Variants in TPRA1 observed in about 807,000 individuals in gnomAD.
TPRA1 encodes the protein transmembrane protein adipocyte associated 1.
TPRA1 carries 28 observed loss-of-function variants against 40.1 expected under a neutral mutation model. The observed-to-expected ratio is 0.70, with a 90% confidence interval of 0.52 to 0.96. TPRA1 has a LOEUF of 0.96. TPRA1 is among the 40% of genes least tolerant of loss of function. The pLI, the probability that TPRA1 is intolerant of heterozygous loss-of-function variation, is 0.00. For missense variants in TPRA1, 441 were observed against 482.6 expected, an observed-to-expected ratio of 0.91 and a Z score of 0.81; for synonymous variants, 219 against 209.7, an observed-to-expected ratio of 1.04 and a Z score of -0.38.
chr3:127,573,896 C>T (rs1308579472), intron 10 of TPRA1, 108 bp from the exon 11 acceptor site: 2 of 1,379,452 alleles, frequency 1.4e-6, no homozygotes, highest in Non-Finnish European at 1.9e-6. Context: ...GACCAACAGT[C>T]GCCTGACACC....
intron 1 of TPRA1, chr3:127,587,051 A>G (rs998424131): frequency 6.6e-6 from 1 of 152,220 alleles, no homozygotes; most frequent in African/African-American, 2.4e-5. Context: ...CAACCCAGGG[A>G]ATGCACCTGT....
At chr3:127,578,890 C>T (rs1188761888) in intron 3 of TPRA1, among the ~76,000 whole-genome samples, 1 of 152,110 alleles carries the variant, frequency 6.6e-6, no homozygotes, top group Non-Finnish European at 1.5e-5. Context: ...TCAGGCAGGC[C>T]CTGCAGACAG....
At chr3:127,596,014 C>T (rs1206037539) in intron 1 of TPRA1, among the ~76,000 whole-genome samples, 1 of 152,066 alleles carries the variant, frequency 6.6e-6, no homozygotes, top group Non-Finnish European at 1.5e-5. Context: ...GGCATCGTGT[C>T]CAGATCCCTG....
intron 10 of TPRA1, 48 bp downstream of exon 10, chr3:127,575,137 G>A: frequency 1.9e-6 from 3 of 1,588,118 alleles, no homozygotes; most frequent in Non-Finnish European, 2.6e-6. Context: ...GGAAGAAGGC[G>A]CAGTTCCGCC....
At chr3:127,593,111 G>T (rs1313433782), upstream of TPRA1, among the ~76,000 whole-genome samples, 2 of 152,174 alleles carry the variant, frequency 1.3e-5, no homozygotes, top group African/African-American at 2.4e-5. Flanking sequence ...GGATTTTGTT[G>T]TATTTGTGAA....
chr3:127,577,081 T>C lies in TPRA1; in HGVS notation c.259-5A>G, dbSNP rs902482111. 5.6e-6 allele frequency: 9 copies of C among 1,612,986 alleles called. No individual in the cohort carries two copies. Among genetic ancestry groups the C allele is most frequent in the South Asian group, 2.2e-5 (2 of 91,046 alleles). ...CACCAGCGCCACCACAAACACCTGGTGGGCAAGGGAGTGGTGTGGCAGTCA... is the reference window on the plus strand; with the variant it reads ...CACCAGCGCCACCACAAACACCTGGCGGGCAAGGGAGTGGTGTGGCAGTCA... On this transcript the variant is annotated splice_region_variant and splice_polypyrimidine_tract_variant and intron_variant, in intron 3 of 10. Coordinates refer to ENST00000355552, the MANE Select transcript of TPRA1 (RefSeq NM_001136053.4).
rs751733581 is a variant in TPRA1, at chr3:127,580,089, G to A, written c.58C>T (p.Leu20=). The change falls in exon 2 of 11, where the codon CTG becomes TTG. Residue 20 remains leucine, a synonymous_variant. Coordinates refer to ENST00000355552, the MANE Select transcript of TPRA1 (RefSeq NM_001136053.4). ...TGAGGCACACTGATGTTTGGTGCCA[G>A]GGGTGGGGGTAGCGCTGTGCTCCCA... ...ANGSTALPPP[L]APNISVPHRC... 6 of 1,613,756 alleles carry A rather than the reference G, an allele frequency of 3.7e-6. No homozygotes were observed. The highest frequency in any genetic ancestry group is 5.1e-6 in the Non-Finnish European group (6 of 1,180,024).
At chr3:127,575,352 C>G in intron 9 of TPRA1, 51 bp downstream of exon 9, 1 of 1,572,898 alleles carries the variant, frequency 6.4e-7, no homozygotes, top group South Asian at 1.1e-5. Flanking sequence ...GACACCCTGC[C>G]GCCCACTTCC....
chr3:127,575,307 G>A, intron 9 of TPRA1, 42 bp from the exon 10 acceptor site: 1 of 1,601,924 alleles, frequency 6.2e-7, no homozygotes, highest in Non-Finnish European at 8.5e-7. Flanking sequence ...CTAGCCCCAT[G>A]CTGACTCCAC....
At position 127,573,630 on chromosome 3, in the gene TPRA1, A is replaced by T; in HGVS notation, c.1013T>A (p.Phe338Tyr). 1.2e-6 allele frequency: 2 copies of T among 1,613,326 alleles called. No individual in the cohort carries two copies. Among genetic ancestry groups the T allele is most frequent in the Non-Finnish European group, 1.7e-6 (2 of 1,179,992 alleles). The change falls in exon 11 of 11, where the codon TTC (phenylalanine) becomes TAC (tyrosine). Residue 338 changes from phenylalanine (F) to tyrosine (Y), a missense_variant. Phe to Tyr is a conservative substitution (Grantham distance 22, BLOSUM62 3). Transcript: ENST00000355552. ...GTAGGCCACCCCGCCGGCAGAGTCG[A>T]ACTGCGTGCTCGAGTAGCTGGCAGC... ...ASAASYSSTQFDSAGGVAYLD... is the reference protein window; with the variant it reads ...ASAASYSSTQYDSAGGVAYLD...
rs989477463 is a variant in TPRA1, at chr3:127,575,682, C to T, written c.670+67G>A. The stretch of plus-strand genomic sequence containing the variant: ...TACAGCTCCAGCTCCCAGCTACCAG[C>T]TCTACAGTGGCCCGGTAGACTCCCT... On this transcript the variant is annotated intron_variant, in intron 8 of 10. Transcript: ENST00000355552. The T allele has an allele frequency of 1.7e-5, 26 of 1,572,902 alleles. No individual in the cohort carries two copies. The African/African-American group carries it at 3.2e-4, about 20-fold the overall frequency.
In TPRA1 at chr3:127,572,749, T is replaced by A. The variant is rs1040111625; in HGVS notation, c.*772A>T. Among the ~76,000 whole-genome samples, 7 of 152,212 alleles carry A rather than the reference T, an allele frequency of 4.6e-5. No homozygotes were observed. The highest frequency in any genetic ancestry group is 1.7e-4 in the African/African-American group (7 of 41,446). ...GGCAATAGTAAGTCCATTCTGCGTT[T>A]TAATGGAGCTGAGCAGAGAGAACCG... On this transcript the variant is annotated 3_prime_UTR_variant, in exon 11 of 11. Coordinates refer to ENST00000355552, the MANE Select transcript of TPRA1 (RefSeq NM_001136053.4).
chr3:127,576,901 C>T lies in TPRA1; in HGVS notation c.346-8G>A. 1 of 1,613,770 alleles carries T rather than the reference C, an allele frequency of 6.2e-7. No homozygotes were observed. Among genetic ancestry groups the T allele is most frequent in the Non-Finnish European group, 8.5e-7 (1 of 1,180,014 alleles). On this transcript the variant is annotated splice_region_variant and splice_polypyrimidine_tract_variant and intron_variant, in intron 4 of 10. Transcript: ENST00000355552. This position sits in a 1 kb window ranked among gnomAD's most constrained non-coding sequence, Gnocchi z 4.6. ...GGTGATCTCCCACAGGATCTGCACG[C>T]AGAGTGGGCACAGCGTCAGCCTGGA...
rs777490378 is a variant in TPRA1 at position 127,573,669 on chromosome 3, G to T, written c.974C>A (p.Ala325Asp). The T allele has an allele frequency of 6.2e-7, 1 of 1,613,610 alleles. No homozygotes were observed. Among genetic ancestry groups the T allele is most frequent in the Admixed American group, 1.7e-5 (1 of 60,016 alleles). The change falls in exon 11 of 11, where the codon GCT becomes GAT. Residue 325 changes from alanine (A) to aspartate (D), a missense_variant. Ala to Asp is a moderately radical substitution (Grantham distance 126). Coordinates refer to ENST00000355552, the MANE Select transcript of TPRA1 (RefSeq NM_001136053.4). The part of the protein sequence containing the change: ...ARREGLEAAG[A>D]AGASAASYSS... ...GTAGCTGGCAGCTGAGGCCCCAGCA[G>T]CCCCTGCAGCCTCCAGGCCCTCCCG...
upstream of TPRA1, among the ~76,000 whole-genome samples, chr3:127,592,374 T>TG (rs1264538858): frequency 2.3e-4 from 30 of 131,282 alleles, no homozygotes; most frequent in African/African-American, 7.3e-4. Flanking sequence ...GCTGTTTTTT[T>TG]TTTTTTTTTT....
upstream of TPRA1, among the ~76,000 whole-genome samples, chr3:127,594,534 AG>A (rs1339918882): frequency 1.3e-5 from 2 of 152,232 alleles, no homozygotes; most frequent in African/African-American, 2.4e-5. Flanking sequence ...AGAGATGACT[AG>A]GGGACATCAA....
In TPRA1 at chr3:127,572,836, TCTC is replaced by T. The variant is rs1173551143; in HGVS notation, c.*682_*684del. Reference sequence around the variant, plus strand: ...GAGGGGCTGGCTCACAAAACATAGTTCTCCTCTCTCTCCATGTCTGTCCCCCCT... The same window carrying T: ...GAGGGGCTGGCTCACAAAACATAGTTCTCTCTCTCCATGTCTGTCCCCCCT... On this transcript the variant is annotated 3_prime_UTR_variant, in exon 11 of 11. Transcript: ENST00000355552. Among the ~76,000 whole-genome samples the T allele has an allele frequency of 1.3e-5, 2 of 152,054 alleles. No homozygotes were observed. The highest frequency in any genetic ancestry group is 6.5e-5 in the Admixed American group (1 of 15,278).
At chr3:127,579,714 T>C in intron 3 of TPRA1, 26 bp downstream of exon 3, 3 of 1,612,156 alleles carry the variant, frequency 1.9e-6, no homozygotes, top group Non-Finnish European at 2.5e-6. Context: ...TGGAGTTGGC[T>C]TTTCTGTCAA....
rs1483894142 is a variant in TPRA1, at chr3:127,571,364, T to C, written c.*2157A>G. ...ATATATTGGAGGACAACTATTGATC[T>C]CTGCAGAAGACTAATAAGAGTAATT... On this transcript the variant is annotated 3_prime_UTR_variant, in exon 11 of 11. Transcript: ENST00000355552. 6.6e-6 allele frequency: 1 copy of C among 152,242 alleles called. No homozygotes were observed. The highest frequency in any genetic ancestry group is 6.5e-5 in the Admixed American group (1 of 15,288). The allele number at this position is 152,242 out of a possible 1,614,324, so 9.4% of individuals were successfully genotyped here. A position where few individuals can be genotyped will look rare whatever the true frequency, so the allele number is the denominator to read the frequency against.
Sources: gnomAD v4.1 joint callset for allele counts (sites outside exome capture counted in the v4.1 genomes callset) on GRCh38, gnomAD v4.1.1 for gene constraint, Gnocchi (gnomAD v3.1) non-coding constraint, MANE v1.5 for transcripts, NCBI Gene and HGNC (gene_info 2026-07-23, HGNC 2026-07-21) for gene names.